The following ZNF679 variants were observed in gnomAD, a reference collection of about 807,000 sequenced individuals.
The protein encoded by ZNF679 is hypothetical protein MGC42415.
Under a neutral mutation model 13.4 loss-of-function variants are expected in ZNF679, and 10 were observed. That is an observed-to-expected ratio of 0.75 (90% CI 0.46 to 1.27). The LOEUF (loss-of-function observed/expected upper bound fraction) is 1.27, where lower values mean the gene tolerates loss of function less well. ZNF679 is among the 50% of genes most tolerant of loss of function. ZNF679 has a pLI of 0.00. For missense variants in ZNF679, 525 were observed against 477.8 expected, an observed-to-expected ratio of 1.10 and a Z score of -0.92; for synonymous variants, 179 against 162.5, an observed-to-expected ratio of 1.10 and a Z score of -0.77.
intron 1 of ZNF679, among the ~76,000 whole-genome samples, chr7:64,248,215 C>T (rs1256035278): frequency 6.6e-6 from 1 of 152,048 alleles, no homozygotes; most frequent in Non-Finnish European, 1.5e-5. Flanking sequence ...ACAAGAACAG[C>T]ATGAGGATAA....
At chr7:64,258,724 T>C (rs1000785456) in intron 2 of ZNF679, among the ~76,000 whole-genome samples, 15 of 151,650 alleles carry the variant, frequency 9.9e-5, no homozygotes, top group African/African-American at 3.6e-4. Flanking sequence ...AAATGCAGTG[T>C]CCACTCTGCC....
chr7:64,234,600 T>C (rs916516333), intron 1 of ZNF679, among the ~76,000 whole-genome samples: 1 of 152,144 alleles, frequency 6.6e-6, no homozygotes, highest in African/African-American at 2.4e-5. Flanking sequence ...CACCTCTAGA[T>C]GAGAGCCCAG....
At chr7:64,262,623 T>C (rs1788093301) in intron 4 of ZNF679, among the ~76,000 whole-genome samples, 1 of 152,212 alleles carries the variant, frequency 6.6e-6, no homozygotes. Context: ...TATTTGCTCA[T>C]ACACAGAAGA....
At chr7:64,235,555 G>A (rs954612315) in intron 1 of ZNF679, among the ~76,000 whole-genome samples, 3 of 152,030 alleles carry the variant, frequency 2.0e-5, no homozygotes, top group African/African-American at 7.2e-5. Context: ...TTGAAAGGCC[G>A]ATGTGGGTGG....
intron 1 of ZNF679, among the ~76,000 whole-genome samples, chr7:64,236,150 A>T (rs1411827621): frequency 6.6e-6 from 1 of 151,918 alleles, no homozygotes; most frequent in African/African-American, 2.4e-5. Context: ...CTGTAATCCC[A>T]GCTACTCAGG....
intron 4 of ZNF679, among the ~76,000 whole-genome samples, chr7:64,264,220 C>T (rs1253024187): frequency 6.6e-6 from 1 of 150,742 alleles, no homozygotes; most frequent in African/African-American, 2.4e-5. Context: ...TTCATAACAC[C>T]TCTAAATGTT....
At chr7:64,236,878 G>A (rs1172616514) in intron 1 of ZNF679, among the ~76,000 whole-genome samples, 2 of 117,292 alleles carry the variant, frequency 1.7e-5, no homozygotes, top group African/African-American at 5.9e-5. Context: ...AAAGAAGAAA[G>A]AGAAAGAAAG....
At chr7:64,231,612 T>A (rs1449555236) in intron 1 of ZNF679, among the ~76,000 whole-genome samples, 1 of 152,104 alleles carries the variant, frequency 6.6e-6, no homozygotes, top group Non-Finnish European at 1.5e-5. Flanking sequence ...GAGTGTAGAG[T>A]CACATCTCCT....
chr7:64,233,386 G>A (rs1407418755), intron 1 of ZNF679, among the ~76,000 whole-genome samples: 1 of 152,138 alleles, frequency 6.6e-6, no homozygotes, highest in Non-Finnish European at 1.5e-5. Context: ...TAGCTATTGG[G>A]AGGCTGAGGT....
At chr7:64,265,026 C>T (rs1287884214) in intron 4 of ZNF679, among the ~76,000 whole-genome samples, 1 of 151,906 alleles carries the variant, frequency 6.6e-6, no homozygotes, top group African/African-American at 2.4e-5. Context: ...TCTCACTGAG[C>T]ATAATATGGA....
chr7:64,229,653 T>C (rs1189210076), intron 1 of ZNF679, among the ~76,000 whole-genome samples: 2 of 152,218 alleles, frequency 1.3e-5, no homozygotes, highest in East Asian at 1.9e-4. Flanking sequence ...ATTTATGTCA[T>C]ATTTCCTGTG....
intron 1 of ZNF679, among the ~76,000 whole-genome samples, chr7:64,232,900 T>G (rs1489632228): frequency 6.6e-6 from 1 of 152,070 alleles, no homozygotes; most frequent in African/African-American, 2.4e-5. Context: ...TCCTAAATGT[T>G]TAATCCAGAG....
Position 64,266,573 on chromosome 7 carries a change from C to A in ZNF679, c.940C>A (p.His314Asn), listed in dbSNP as rs1200729935. The change falls in exon 5 of 5, where the codon CAC becomes AAC. Residue 314 changes from histidine (H) to asparagine (N), a missense_variant. By Grantham distance (68) the His-to-Asn change is moderately conservative. Transcript: ENST00000421025. ...AFSLSSSLTY[H>N]KRIHTGEKPY... ...TAGCTTATCCTCATCCCTCACTTACCACAAGAGAATTCATACTGGAGAGAA... is the reference window on the plus strand; with the variant it reads ...TAGCTTATCCTCATCCCTCACTTACAACAAGAGAATTCATACTGGAGAGAA... 1 of 1,612,200 alleles carries A rather than the reference C, an allele frequency of 6.2e-7. No individual in the cohort carries two copies. Among genetic ancestry groups the A allele is most frequent in the South Asian group, 1.1e-5 (1 of 91,042 alleles).
intron 1 of ZNF679, among the ~76,000 whole-genome samples, chr7:64,244,236 C>T (rs557923499): frequency 4.9e-4 from 74 of 151,926 alleles, no homozygotes; most frequent in Non-Finnish European, 6.3e-4. Flanking sequence ...AGTGACAGAG[C>T]GAGACTCCAT....
intron 1 of ZNF679, among the ~76,000 whole-genome samples, chr7:64,232,012 A>C (rs1787646088): frequency 6.6e-6 from 1 of 152,194 alleles, no homozygotes; most frequent in East Asian, 1.9e-4. Flanking sequence ...AAGAGCTTCA[A>C]CTCCACCTGC....
In ZNF679 at chr7:64,250,653, A is replaced by G. The variant is rs968246686; in HGVS notation, c.39+1497A>G. 3.3e-5 allele frequency among the ~76,000 whole-genome samples: 5 copies of G among 151,822 alleles called. No homozygotes were observed. The South Asian group carries it at 6.3e-4, about 19-fold the overall frequency. On this transcript the variant is annotated intron_variant, in intron 2 of 4. Coordinates refer to ENST00000421025, the MANE Select transcript of ZNF679 (RefSeq NM_153363.3). ...ACCCAGGCTGGAGTGCAGTGGCTCA[A>G]TCTTGCCTCATTACAACCTCTGCCT... is the stretch of plus-strand genomic sequence containing the variant.
intron 4 of ZNF679, 33 bp downstream of exon 4, chr7:64,260,962 ATGAGAGG>A (rs1562847562): frequency 6.3e-7 from 1 of 1,589,780 alleles, no homozygotes; most frequent in East Asian, 2.2e-5. Context: ...GATGACACAG[ATGAGAGG>A]TGCAAAAGTC....
At chr7:64,258,429 G>A (rs1404699906) in intron 2 of ZNF679, among the ~76,000 whole-genome samples, 2 of 152,104 alleles carry the variant, frequency 1.3e-5, no homozygotes, top group East Asian at 1.9e-4. Context: ...CGGGCCGGGC[G>A]TGGTGGCTTA....
At chr7:64,242,838 C>A (rs769458167) in intron 1 of ZNF679, among the ~76,000 whole-genome samples, 2 of 151,860 alleles carry the variant, frequency 1.3e-5, no homozygotes, top group Non-Finnish European at 2.9e-5. Flanking sequence ...AGAGTCAACA[C>A]CTCTTCTATT....
Sources: gnomAD v4.1 joint callset for allele counts (sites outside exome capture counted in the v4.1 genomes callset) on GRCh38, gnomAD v4.1.1 for gene constraint, MANE v1.5 for transcripts, NCBI Gene and HGNC (gene_info 2026-07-23, HGNC 2026-07-21) for gene names.